Variants in MOB3A observed in about 807,000 individuals in gnomAD.
The protein encoded by MOB3A is MOB LAK.
Under a neutral mutation model 17.8 loss-of-function variants are expected in MOB3A, and 17 were observed. That is an observed-to-expected ratio of 0.95 (90% CI 0.65 to 1.43). MOB3A has a LOEUF of 1.43. MOB3A is among the 40% of genes most tolerant of loss of function. The pLI is 0.00. For synonymous variants in MOB3A, 124 were observed against 133.2 expected, an observed-to-expected ratio of 0.93 and a Z score of 0.48; for missense variants, 333 against 310.8, an observed-to-expected ratio of 1.07 and a Z score of -0.54.
Position 2,073,267 on chromosome 19 carries a change from G to A in MOB3A, c.*128C>T. ...GCTCCTGAGGACCAACACCTGCTCA[G>A]CGGCTCGGCCCCTGGTCTCCCTGAG... On this transcript the variant is annotated 3_prime_UTR_variant, in exon 5 of 5. Coordinates refer to ENST00000357066, the MANE Select transcript of MOB3A (RefSeq NM_130807.3). 2 of 1,213,560 alleles carry A rather than the reference G, an allele frequency of 1.6e-6. No homozygotes were observed. The highest frequency in any genetic ancestry group is 2.5e-5 in the South Asian group (2 of 78,996). The allele number at this position is 1,213,560 out of a possible 1,614,324, so 75.2% of individuals were successfully genotyped here. A position where few individuals can be genotyped will look rare whatever the true frequency, so the allele number is the denominator to read the frequency against.
chr19:2,077,105 A>C, intron 3 of MOB3A, 92 bp from the exon 4 acceptor site: 2 of 1,203,688 alleles, frequency 1.7e-6, no homozygotes, highest in Non-Finnish European at 2.4e-6. Flanking sequence ...GCTTCCAGAC[A>C]GAAATTGCTG....
In MOB3A at chr19:2,093,055, A is replaced by T. The variant is rs2017631410; in HGVS notation, c.-274+3171T>A. Among the ~76,000 whole-genome samples the T allele has an allele frequency of 6.6e-6, 1 of 152,160 alleles. No homozygotes were observed. The highest frequency in any genetic ancestry group is 2.4e-5 in the African/African-American group (1 of 41,462). On this transcript the variant is annotated intron_variant, in intron 1 of 4. Transcript: ENST00000357066. The surrounding 1 kb of genome is among the most constrained non-coding windows in gnomAD (Gnocchi z 4.6). ...AGAGCTCATCGGCTGGGGAAGGTCT[A>T]AAACTCCCCACCTTAAAACCCCAAG...
At chr19:2,077,414 A>AAAAAG (rs930763316) in intron 3 of MOB3A, among the ~76,000 whole-genome samples, 5 of 151,724 alleles carry the variant, frequency 3.3e-5, no homozygotes, top group Middle Eastern at 3.4e-3. Flanking sequence ...AAAAAAAAAG[A>AAAAAG]AAAAGAAAAG....
At chr19:2,076,349 T>C (rs1054217994) in intron 4 of MOB3A, among the ~76,000 whole-genome samples, 3 of 151,818 alleles carry the variant, frequency 2.0e-5, no homozygotes, top group African/African-American at 7.3e-5. Context: ...GGAGAATCAC[T>C]TGAACTCGGG....
At chr19:2,089,195 C>T (rs2017585868) in intron 1 of MOB3A, among the ~76,000 whole-genome samples, 2 of 152,182 alleles carry the variant, frequency 1.3e-5, no homozygotes, top group South Asian at 2.1e-4. Flanking sequence ...CCCTGGAGGA[C>T]CTGCTCTCGT....
chr19:2,089,086 T>G (rs1344515977), intron 1 of MOB3A, among the ~76,000 whole-genome samples: 1 of 152,192 alleles, frequency 6.6e-6, no homozygotes, highest in Non-Finnish European at 1.5e-5. Flanking sequence ...CGCAGCCCTG[T>G]GAGGCTGGCA....
chr19:2,093,832 A>G lies in MOB3A; in HGVS notation c.-274+2394T>C, dbSNP rs1391678908. On this transcript the variant is annotated intron_variant, in intron 1 of 4. Transcript: ENST00000357066. The surrounding 1 kb of genome is among the most constrained non-coding windows in gnomAD (Gnocchi z 4.6). ...TCCCTGGGGAAAGGGAAACACATCC[A>G]GGGGGTCCGGAGGACAGGGACGTGA... Among the ~76,000 whole-genome samples, 1 of 152,138 alleles carries G rather than the reference A, an allele frequency of 6.6e-6. No homozygotes were observed. The highest frequency in any genetic ancestry group is 1.5e-5 in the Non-Finnish European group (1 of 68,016).
rs2017361222 is a variant in MOB3A at position 2,073,251 on chromosome 19, G to T, written c.*144C>A. On this transcript the variant is annotated 3_prime_UTR_variant, in exon 5 of 5. Transcript: ENST00000357066. The stretch of plus-strand genomic sequence containing the variant: ...GCCGTCCGGGGTTGGAGCTCCTGAG[G>T]ACCAACACCTGCTCAGCGGCTCGGC... 2.0e-6 allele frequency: 2 copies of T among 1,011,214 alleles called. No homozygotes were observed. The highest frequency in any genetic ancestry group is 2.4e-5 in the East Asian group (1 of 41,914). The allele number at this position is 1,011,214 out of a possible 1,614,324, so 62.6% of individuals were successfully genotyped here. A position where few individuals can be genotyped will look rare whatever the true frequency, so the allele number is the denominator to read the frequency against.
chr19:2,092,751 C>T (rs950773186), intron 1 of MOB3A, among the ~76,000 whole-genome samples: 1 of 78,718 alleles, frequency 1.3e-5, no homozygotes, highest in African/African-American at 7.9e-5. Flanking sequence ...GAAACTCCAT[C>T]TCAAAAAAAA....
Position 2,092,875 on chromosome 19 carries a change from C to T in MOB3A, c.-274+3351G>A, listed in dbSNP as rs995801321. Among the ~76,000 whole-genome samples the T allele has an allele frequency of 3.3e-5, 5 of 152,110 alleles. No individual in the cohort carries two copies. The East Asian group carries it at 5.8e-4, about 18-fold the overall frequency. Reference sequence around the variant, plus strand: ...TTTCTTTTGTGTGCAGCCAGGCACACGCTGGACCACAGCCACCCACTGTGT... The same window carrying T: ...TTTCTTTTGTGTGCAGCCAGGCACATGCTGGACCACAGCCACCCACTGTGT... On this transcript the variant is annotated intron_variant, in intron 1 of 4. Coordinates refer to ENST00000357066, the MANE Select transcript of MOB3A (RefSeq NM_130807.3).
At chr19:2,081,558 A>G (rs1473916379) in intron 2 of MOB3A, among the ~76,000 whole-genome samples, 1 of 151,084 alleles carries the variant, frequency 6.6e-6, no homozygotes, top group Non-Finnish European at 1.5e-5. Context: ...ATTGCACTCC[A>G]GCCTGGGCGA....
intron 3 of MOB3A, among the ~76,000 whole-genome samples, chr19:2,077,527 G>A (rs1307883789): frequency 1.3e-5 from 2 of 152,144 alleles, no homozygotes; most frequent in Non-Finnish European, 2.9e-5. Context: ...ATTACACATC[G>A]AGCTGGGCAG....
At chr19:2,076,248 C>T (rs80036308) in intron 4 of MOB3A, among the ~76,000 whole-genome samples, 1 of 150,568 alleles carries the variant, frequency 6.6e-6, no homozygotes, top group Non-Finnish European at 1.5e-5. Context: ...CTGGCTAACA[C>T]GGTGAAACCC....
intron 2 of MOB3A, among the ~76,000 whole-genome samples, chr19:2,081,087 C>T (rs554537177): frequency 1.8e-4 from 28 of 151,664 alleles, no homozygotes; most frequent in African/African-American, 6.5e-4. Flanking sequence ...AGCCTCGAAC[C>T]CCAGCCTGGG....
At chr19:2,076,345 T>C (rs952665583) in intron 4 of MOB3A, among the ~76,000 whole-genome samples, 4 of 151,160 alleles carry the variant, frequency 2.6e-5, no homozygotes, top group Non-Finnish European at 5.9e-5. Flanking sequence ...GGCAGGAGAA[T>C]CACTTGAACT....
At chr19:2,094,502 A>G (rs2017648203) in intron 1 of MOB3A, among the ~76,000 whole-genome samples, 1 of 152,218 alleles carries the variant, frequency 6.6e-6, no homozygotes, top group Non-Finnish European at 1.5e-5. Context: ...CAAAACCTAG[A>G]TCATCCCACA....
At chr19:2,083,232 C>T (rs1034230377) in intron 2 of MOB3A, among the ~76,000 whole-genome samples, 13 of 152,240 alleles carry the variant, frequency 8.5e-5, no homozygotes, top group African/African-American at 2.9e-4. Context: ...AAGAGGCCAC[C>T]TCTGTGCTTA....
rs1041681910 is a variant in MOB3A at position 2,093,395 on chromosome 19, T to C, written c.-274+2831A>G. Among the ~76,000 whole-genome samples, 3 of 152,108 alleles carry C rather than the reference T, an allele frequency of 2.0e-5. No homozygotes were observed. Among genetic ancestry groups the C allele is most frequent in the African/African-American group, 4.8e-5 (2 of 41,442 alleles). The stretch of plus-strand genomic sequence containing the variant: ...ATTTAGAAGGTCAAATGGCTTAAGC[T>C]GAAAAGGCAAATCCGACTTCAGAAA... On this transcript the variant is annotated intron_variant, in intron 1 of 4. Transcript: ENST00000357066. This position sits in a 1 kb window ranked among gnomAD's most constrained non-coding sequence, Gnocchi z 4.6.
At chr19:2,074,134 A>G (rs554174467) in intron 4 of MOB3A, among the ~76,000 whole-genome samples, 111 of 152,088 alleles carry the variant, frequency 7.3e-4, no homozygotes, top group Non-Finnish European at 1.5e-3. Flanking sequence ...TCTACTAAAA[A>G]TACAAAAAAA....
Sources: gnomAD v4.1 joint callset for allele counts (sites outside exome capture counted in the v4.1 genomes callset) on GRCh38, gnomAD v4.1.1 for gene constraint, Gnocchi (gnomAD v3.1) non-coding constraint, MANE v1.5 for transcripts, NCBI Gene and HGNC (gene_info 2026-07-23, HGNC 2026-07-21) for gene names.